The following NELL2 variants were observed in gnomAD, a reference collection of about 807,000 sequenced individuals.
The protein encoded by NELL2 is neural EGFL like 2.
NELL2 carries 41 observed loss-of-function variants against 109.6 expected under a neutral mutation model. That is an observed-to-expected ratio of 0.37 (90% CI 0.29 to 0.49). NELL2 has a LOEUF of 0.49. Ranked by LOEUF, NELL2 falls within the 20% of genes least tolerant of loss-of-function variation. NELL2 has a pLI of 0.98. For synonymous variants in NELL2, 355 were observed against 344.7 expected (o/e 1.03, Z -0.33); for missense variants, 900 against 1,008.3 (o/e 0.89, Z 1.45).
At chr12:44,882,565 T>C (rs1008331226) in intron 1 of NELL2, among the ~76,000 whole-genome samples, 2 of 151,686 alleles carry the variant, frequency 1.3e-5, no homozygotes, top group African/African-American at 4.9e-5. Context: ...TCTCACTCTG[T>C]CACTCAGGCC....
intron 2 of NELL2, among the ~76,000 whole-genome samples, chr12:44,857,260 G>A (rs959483335): frequency 6.6e-6 from 1 of 152,136 alleles, no homozygotes; most frequent in African/African-American, 2.4e-5. Flanking sequence ...TTTCCCTAGA[G>A]AACCTACATT....
chr12:44,882,666 T>A (rs1176762167), intron 1 of NELL2, among the ~76,000 whole-genome samples: 1 of 151,356 alleles, frequency 6.6e-6, no homozygotes, highest in East Asian at 1.9e-4. Context: ...TAGCTGGAAT[T>A]ACAGGCAGGC....
chr12:44,739,372 A>G (rs537838258), intron 9 of NELL2, among the ~76,000 whole-genome samples: 104 of 152,320 alleles, frequency 6.8e-4, no homozygotes, highest in African/African-American at 2.4e-3. Flanking sequence ...ACATGTACAA[A>G]TAGCTAGATT....
At chr12:44,800,669 C>G (rs1942797843) in intron 3 of NELL2, among the ~76,000 whole-genome samples, 1 of 152,154 alleles carries the variant, frequency 6.6e-6, no homozygotes, top group Non-Finnish European at 1.5e-5. Context: ...CAACCTTTCT[C>G]TTACGTTAAC....
chr12:44,744,102 C>T (rs974676871), intron 9 of NELL2, among the ~76,000 whole-genome samples: 3 of 152,184 alleles, frequency 2.0e-5, no homozygotes, highest in African/African-American at 4.8e-5. Context: ...CAAACTGTCT[C>T]TCAGACCACA....
At chr12:44,624,515 G>A (rs1473705192) in intron 13 of NELL2, among the ~76,000 whole-genome samples, 1 of 151,760 alleles carries the variant, frequency 6.6e-6, no homozygotes, top group Non-Finnish European at 1.5e-5. Flanking sequence ...TTTTCTCTGG[G>A]ATCCCAGATC....
At chr12:44,715,553 C>A (rs1938439940) in intron 9 of NELL2, among the ~76,000 whole-genome samples, 1 of 151,918 alleles carries the variant, frequency 6.6e-6, no homozygotes, top group Non-Finnish European at 1.5e-5. Flanking sequence ...GCTAATGATG[C>A]CTAATTTTCA....
intron 2 of NELL2, among the ~76,000 whole-genome samples, chr12:44,872,073 G>A (rs1328019077): frequency 6.6e-6 from 1 of 152,088 alleles, no homozygotes; most frequent in African/African-American, 2.4e-5. Context: ...GATCCCTCAT[G>A]TACAGAGAGG....
chr12:44,876,679 G>C (rs1417417331), upstream of NELL2: 1 of 1,550,984 alleles, frequency 6.4e-7, no homozygotes, highest in Non-Finnish European at 8.7e-7. Context: ...GGCAAGGCTG[G>C]AGCGAGTAGC....
At chr12:44,812,145 A>G (rs1016440454) in intron 3 of NELL2, among the ~76,000 whole-genome samples, 3 of 152,172 alleles carry the variant, frequency 2.0e-5, no homozygotes, top group African/African-American at 7.2e-5. Context: ...TTTACATGCA[A>G]TGTGGTGTGA....
chr12:44,917,586 T>C (rs1945837995), upstream of NELL2, among the ~76,000 whole-genome samples: 1 of 152,180 alleles, frequency 6.6e-6, no homozygotes, highest in African/African-American at 2.4e-5. Flanking sequence ...CCATTGAACG[T>C]ATGTGAGGCC....
At chr12:44,748,853 A>T (rs1391980184) in intron 9 of NELL2, among the ~76,000 whole-genome samples, 2 of 152,192 alleles carry the variant, frequency 1.3e-5, no homozygotes, top group Admixed American at 1.3e-4. Context: ...ACTGTTAATG[A>T]CTAGCAAAGA....
At chr12:44,902,251 C>A (rs184968758) in intron 1 of NELL2, among the ~76,000 whole-genome samples, 1 of 152,184 alleles carries the variant, frequency 6.6e-6, no homozygotes, top group East Asian at 1.9e-4. Context: ...TTCCTATACA[C>A]CAATAGTAGA....
At chr12:44,564,755 A>T (rs1434647260) in intron 15 of NELL2, among the ~76,000 whole-genome samples, 1 of 152,226 alleles carries the variant, frequency 6.6e-6, no homozygotes, top group Non-Finnish European at 1.5e-5. Context: ...TCCTAAAACC[A>T]TGTTAAGATA....
At chr12:44,597,881 C>A (rs545678591) in intron 15 of NELL2, among the ~76,000 whole-genome samples, 1 of 152,232 alleles carries the variant, frequency 6.6e-6, no homozygotes, top group Admixed American at 6.5e-5. Context: ...AATTAAGGAT[C>A]TAGAAATGTT....
chr12:44,587,851 C>T (rs1049269645), intron 15 of NELL2, among the ~76,000 whole-genome samples: 12 of 151,992 alleles, frequency 7.9e-5, no homozygotes, highest in Admixed American at 7.2e-4. Flanking sequence ...TTGAAAATTA[C>T]GTTATAAAAG....
At chr12:44,518,803 T>A (rs1036441874) in intron 19 of NELL2, among the ~76,000 whole-genome samples, 13 of 152,222 alleles carry the variant, frequency 8.5e-5, no homozygotes, top group Non-Finnish European at 1.8e-4. Flanking sequence ...AGATATGCAC[T>A]ATTAAGTATA....
At chr12:44,594,850 G>A (rs915389854) in intron 15 of NELL2, among the ~76,000 whole-genome samples, 1 of 151,988 alleles carries the variant, frequency 6.6e-6, no homozygotes, top group Non-Finnish European at 1.5e-5. Flanking sequence ...TTAGTGTAAG[G>A]TACAAAGTTA....
intron 11 of NELL2, among the ~76,000 whole-genome samples, chr12:44,707,768 TTAAAAG>T (rs1206335541): frequency 6.6e-5 from 10 of 152,188 alleles, no homozygotes; most frequent in Non-Finnish European, 1.0e-4. Flanking sequence ...ACTAAATCTT[TTAAAAG>T]TGAGTCGACT....
Sources: gnomAD v4.1 joint callset for allele counts (sites outside exome capture counted in the v4.1 genomes callset) on GRCh38, gnomAD v4.1.1 for gene constraint, MANE v1.5 for transcripts, NCBI Gene and HGNC (gene_info 2026-07-23, HGNC 2026-07-21) for gene names.